CFAP92: variants seen among roughly 807,000 people sequenced by gnomAD.
CFAP92 encodes cilia and flagella associated protein 92 (putative), also known as uncharacterized protein CFAP92.
Under a neutral mutation model 106.3 loss-of-function variants are expected in CFAP92, and 86 were observed. That is an observed-to-expected ratio of 0.81 (90% CI 0.68 to 0.97). The LOEUF (loss-of-function observed/expected upper bound fraction) is 0.97. CFAP92 is among the 50% of genes least tolerant of loss of function. The pLI is 0.00. For missense variants in CFAP92, 1,204 were observed against 1,283.8 expected (o/e 0.94, Z 0.95); for synonymous variants, 477 against 506.4 (o/e 0.94, Z 0.78).
At chr3:128,957,751 G>A (rs1183378518) in intron 9 of CFAP92, among the ~76,000 whole-genome samples, 1 of 152,194 alleles carries the variant, frequency 6.6e-6, no homozygotes, top group Non-Finnish European at 1.5e-5. Context: ...TGGAGTGGGG[G>A]AGAAGGCCAG....
In CFAP92 at chr3:128,915,582, A is replaced by G. The variant is rs1936746411; in HGVS notation, c.2917-19T>C. 6.1e-6 allele frequency: 9 copies of G among 1,473,074 alleles called. No individual in the cohort carries two copies. The highest frequency in any genetic ancestry group is 1.8e-4 in the Middle Eastern group (1 of 5,672). The allele number at this position is 1,473,074 out of a possible 1,614,324, so 91.3% of individuals were successfully genotyped here. Reference sequence around the variant, plus strand: ...TTGGCTCCTAGAAATGGGGGCAGACAGGTTGGGGTGGAAGGGCTAATAGCA... The same window carrying G: ...TTGGCTCCTAGAAATGGGGGCAGACGGGTTGGGGTGGAAGGGCTAATAGCA... On this transcript the variant is annotated intron_variant, in intron 13 of 15. Transcript: ENST00000645291.
Position 128,945,430 on chromosome 3 carries a change from C to T in CFAP92, c.1899G>A (p.Lys633=). Reference sequence around the variant, plus strand: ...GTGGCACCGCGATGTCCACTCGCAACTTGAGCTGGGAGTCAGCCTCTAGGT... The same window carrying T: ...GTGGCACCGCGATGTCCACTCGCAATTTGAGCTGGGAGTCAGCCTCTAGGT... ...GNYLEADSQL[K]LRVDIAVPLR... Residue 633 remains lysine, a synonymous_variant, in exon 10 of 16, where the codon AAG becomes AAA. Coordinates refer to ENST00000645291, the MANE Select transcript of CFAP92 (RefSeq NM_001394090.1). 1.3e-6 allele frequency: 2 copies of T among 1,536,176 alleles called. No individual in the cohort carries two copies. Among genetic ancestry groups the T allele is most frequent in the Non-Finnish European group, 1.7e-6 (2 of 1,146,924 alleles).
At chr3:128,929,283 A>G (rs1418121724) in intron 12 of CFAP92, among the ~76,000 whole-genome samples, 2 of 152,204 alleles carry the variant, frequency 1.3e-5, no homozygotes, top group Admixed American at 1.3e-4. Flanking sequence ...ATGAATGCAG[A>G]GAAACTAGAA....
intron 10 of CFAP92, among the ~76,000 whole-genome samples, chr3:128,940,690 T>A (rs1378062815): frequency 6.6e-6 from 1 of 152,192 alleles, no homozygotes; most frequent in Non-Finnish European, 1.5e-5. Flanking sequence ...ATTCCATAGG[T>A]CTGCTTGTCT....
At chr3:128,917,188 A>G (rs1053749762) in intron 12 of CFAP92, among the ~76,000 whole-genome samples, 1 of 152,198 alleles carries the variant, frequency 6.6e-6, no homozygotes, top group Non-Finnish European at 1.5e-5. Context: ...CACATAGAGC[A>G]AGGATCCTGT....
chr3:128,953,222 A>G (rs928807645), intron 9 of CFAP92, among the ~76,000 whole-genome samples: 10 of 152,064 alleles, frequency 6.6e-5, no homozygotes, highest in Admixed American at 6.5e-4. Context: ...AGAAATAGAA[A>G]TACCCAATCT....
chr3:128,981,240 G>A (rs556992979), intron 4 of CFAP92, among the ~76,000 whole-genome samples: 4 of 151,566 alleles, frequency 2.6e-5, no homozygotes, highest in Non-Finnish European at 2.9e-5. Context: ...GTTTCACCAC[G>A]TTAGTTAGGA....
At chr3:129,016,491 T>C in the CFAP92 span, among the ~76,000 whole-genome samples, 32 of 146,912 alleles carry the variant, frequency 2.2e-4, no homozygotes, top group African/African-American at 7.2e-4. Flanking sequence ...GTGGAGCTCA[T>C]GGGCACGCCC....
At chr3:128,978,975 A>T (rs1050716707) in intron 4 of CFAP92, among the ~76,000 whole-genome samples, 2 of 152,238 alleles carry the variant, frequency 1.3e-5, no homozygotes, top group Non-Finnish European at 2.9e-5. Context: ...TAAACTAAAG[A>T]GCTTCTGCAC....
At chr3:128,937,635 TG>T (rs566636163) in intron 10 of CFAP92, among the ~76,000 whole-genome samples, 172 of 151,626 alleles carry the variant, frequency 1.1e-3, no homozygotes, top group African/African-American at 4.0e-3. Flanking sequence ...TGGTGAAATC[TG>T]AGTAAGATCA....
At chr3:128,940,586 T>C (rs1939524992) in intron 10 of CFAP92, among the ~76,000 whole-genome samples, 1 of 152,254 alleles carries the variant, frequency 6.6e-6, no homozygotes, top group South Asian at 2.1e-4. Flanking sequence ...CAGTGTTTTT[T>C]AGTGTATTTA....
the CFAP92 span, among the ~76,000 whole-genome samples, chr3:129,018,773 T>C: frequency 6.6e-6 from 1 of 152,234 alleles, no homozygotes; most frequent in African/African-American, 2.4e-5. Context: ...TATCTTCTTG[T>C]TGGGATGTGT....
chr3:128,918,762 G>T (rs1488295608), intron 12 of CFAP92, among the ~76,000 whole-genome samples: 1 of 152,036 alleles, frequency 6.6e-6, no homozygotes, highest in Middle Eastern at 3.2e-3. Flanking sequence ...TAACCATATG[G>T]TCTTCAGGAT....
At position 128,975,877 on chromosome 3, in the gene CFAP92, A is replaced by G; in HGVS notation, c.923T>C (p.Ile308Thr). ...IQWSVSRTPT[I>T]SLAGASMMEI... Reference sequence around the variant, plus strand: ...CATCATGCTTGCTCCTGCCAAAGAAATGGTTGGTGTTCTTGAAACACTCCA... The same window carrying G: ...CATCATGCTTGCTCCTGCCAAAGAAGTGGTTGGTGTTCTTGAAACACTCCA... Residue 308 changes from isoleucine to threonine, a missense_variant, in exon 7 of 16, where the codon ATT becomes ACT. Ile to Thr is a moderately conservative substitution (Grantham distance 89). Transcript: ENST00000645291. 1 of 1,610,290 alleles carries G rather than the reference A, an allele frequency of 6.2e-7. No homozygotes were observed. Among genetic ancestry groups the G allele is most frequent in the Non-Finnish European group, 8.5e-7 (1 of 1,178,446 alleles).
chr3:129,023,559 C>T, the CFAP92 span, among the ~76,000 whole-genome samples: 13 of 152,154 alleles, frequency 8.5e-5, no homozygotes, highest in African/African-American at 2.9e-4. Flanking sequence ...GTCTCGACCT[C>T]CTGACCTCAT....
chr3:128,988,600 G>T, intron 3 of CFAP92, 128 bp downstream of exon 3: 1 of 916,736 alleles, frequency 1.1e-6, no homozygotes, highest in Non-Finnish European at 1.6e-6. Flanking sequence ...CCACTCAGGA[G>T]GTGGGGCCCG....
chr3:128,988,974 C>T (rs923722415), intron 2 of CFAP92, 56 bp from the exon 3 acceptor site: 23 of 1,362,236 alleles, frequency 1.7e-5, no homozygotes, highest in East Asian at 4.8e-5. Flanking sequence ...AAAGCAGACC[C>T]GTCTCCCCAG....
upstream of CFAP92, among the ~76,000 whole-genome samples, chr3:129,002,946 G>T (rs541412577): frequency 2.0e-5 from 3 of 152,202 alleles, no homozygotes; most frequent in African/African-American, 7.2e-5. Flanking sequence ...AAACCATGGG[G>T]TGAGATAGGG....
chr3:128,920,631 G>A (rs1202536896), intron 12 of CFAP92, among the ~76,000 whole-genome samples: 10 of 152,164 alleles, frequency 6.6e-5, no homozygotes, highest in South Asian at 2.1e-4. Flanking sequence ...CTGACGTAAC[G>A]TAAAAGAGTC....
Sources: gnomAD v4.1 joint callset for allele counts (sites outside exome capture counted in the v4.1 genomes callset) on GRCh38, gnomAD v4.1.1 for gene constraint, MANE v1.5 for transcripts, NCBI Gene and HGNC (gene_info 2026-07-23, HGNC 2026-07-21) for gene names.